Variants in KLF12 observed in about 807,000 individuals in gnomAD.
The protein encoded by KLF12 is Krueppel-like factor 12.
In KLF12, 9 loss-of-function variants were observed where a neutral mutation model predicts 37.8. That is an observed-to-expected ratio of 0.24 (90% CI 0.14 to 0.42). KLF12 has a LOEUF of 0.42. Ranked by LOEUF, KLF12 falls within the 10% of genes least tolerant of loss-of-function variation. The pLI, the probability that KLF12 is intolerant of heterozygous loss-of-function variation, is 1.00. For synonymous variants in KLF12, 208 were observed against 202.1 expected, an observed-to-expected ratio of 1.03 and a Z score of -0.25; for missense variants, 411 against 516.0, an observed-to-expected ratio of 0.80 and a Z score of 1.97.
intron 5 of KLF12, among the ~76,000 whole-genome samples, chr13:73,812,100 C>T (rs1374495760): frequency 6.6e-6 from 1 of 151,916 alleles, no homozygotes; most frequent in East Asian, 1.9e-4. Flanking sequence ...CCCTCCTCAT[C>T]TTCAAGATTA....
intron 1 of KLF12, among the ~76,000 whole-genome samples, chr13:74,056,087 G>GT (rs1257440966): frequency 1.3e-5 from 2 of 152,296 alleles, no homozygotes; most frequent in South Asian, 2.1e-4. Flanking sequence ...GCAGAAGGAG[G>GT]TAAGAGTCCA....
intron 3 of KLF12, among the ~76,000 whole-genome samples, chr13:73,910,475 T>C (rs181035998): frequency 3.0e-4 from 45 of 152,320 alleles, no homozygotes; most frequent in Admixed American, 2.4e-3. Flanking sequence ...ACTTGAATCT[T>C]AGCCACAACA....
At chr13:74,097,490 G>C (rs938454546) in intron 1 of KLF12, among the ~76,000 whole-genome samples, 1 of 152,040 alleles carries the variant, frequency 6.6e-6, no homozygotes, top group Non-Finnish European at 1.5e-5. Context: ...AAACAGTCTT[G>C]AATTTCTAAA....
intron 4 of KLF12, among the ~76,000 whole-genome samples, chr13:73,832,458 C>T (rs557845721): frequency 6.6e-6 from 1 of 152,156 alleles, no homozygotes; most frequent in East Asian, 1.9e-4. Flanking sequence ...ACAGCATTCA[C>T]GTCTGACAAA....
chr13:74,019,792 T>C (rs1385977116), intron 1 of KLF12, among the ~76,000 whole-genome samples: 1 of 152,256 alleles, frequency 6.6e-6, no homozygotes. Context: ...TGGTCTTTTC[T>C]TTCAGGAACC....
At position 73,727,702 on chromosome 13, in the gene KLF12, C is replaced by CT. The variant is rs4053530; in HGVS notation, c.870-12178dup. Among the ~76,000 whole-genome samples, 304 of 145,116 alleles carry CT rather than the reference C, an allele frequency of 2.1e-3. 5 individuals carry two copies. The highest frequency in any genetic ancestry group is 3.7e-3 in the Admixed American group (53 of 14,450). On this transcript the variant is annotated intron_variant, in intron 6 of 7. Transcript: ENST00000377669. ...TAAGAATCATCTCATCAATTTCTTT[C>CT]TTTTTTTTTTTTTGAGATGGAGTCT...
chr13:73,736,638 C>T (rs775965089), intron 6 of KLF12, among the ~76,000 whole-genome samples: 13 of 152,290 alleles, frequency 8.5e-5, no homozygotes, highest in African/African-American at 1.9e-4. Context: ...ACAGGTAATG[C>T]GCAAATGCAC....
chr13:73,980,186 A>T (rs914501314), intron 2 of KLF12, among the ~76,000 whole-genome samples: 1 of 152,230 alleles, frequency 6.6e-6, no homozygotes, highest in African/African-American at 2.4e-5. Context: ...CAATTTATCA[A>T]ATCTGACTCA....
chr13:73,978,366 A>G (rs1457843947), intron 2 of KLF12, among the ~76,000 whole-genome samples: 2 of 152,210 alleles, frequency 1.3e-5, no homozygotes, highest in African/African-American at 4.8e-5. Context: ...AAAATATTCC[A>G]CATTATATGA....
chr13:73,850,512 G>A (rs575979389), intron 3 of KLF12, among the ~76,000 whole-genome samples: 64 of 152,198 alleles, frequency 4.2e-4, no homozygotes, highest in Admixed American at 1.4e-3. Context: ...AATGATGGTC[G>A]TATATTTTAA....
At chr13:74,183,919 T>TAG in the KLF12 span, among the ~76,000 whole-genome samples, 1 of 152,124 alleles carries the variant, frequency 6.6e-6, no homozygotes, top group Non-Finnish European at 1.5e-5. Flanking sequence ...ACCTGGGTGA[T>TAG]AGAGAGAGAC....
the KLF12 span, among the ~76,000 whole-genome samples, chr13:74,201,376 T>C: frequency 1.3e-5 from 2 of 151,888 alleles, no homozygotes; most frequent in Admixed American, 1.3e-4. Flanking sequence ...GTAAAATCCT[T>C]TTCCTTTTCT....
At chr13:74,036,225 A>AT (rs1893241620) in intron 1 of KLF12, among the ~76,000 whole-genome samples, 1 of 152,256 alleles carries the variant, frequency 6.6e-6, no homozygotes, top group South Asian at 2.1e-4. Context: ...TCCATGGCCT[A>AT]TTTTGCATTG....
In KLF12 at chr13:73,720,902, G is replaced by C. The variant is rs548209059; in HGVS notation, c.870-5377C>G. Among the ~76,000 whole-genome samples, 6 of 152,208 alleles carry C rather than the reference G, an allele frequency of 3.9e-5. No homozygotes were observed. In the East Asian group the frequency reaches 1.2e-3, roughly 29 times the overall value. Reference sequence around the variant, plus strand: ...CAGGAGTTAAAAAAAAATTAAAAAGGCCAGGACAATCTTTCAAGCCTGGAA... The same window carrying C: ...CAGGAGTTAAAAAAAAATTAAAAAGCCCAGGACAATCTTTCAAGCCTGGAA... On this transcript the variant is annotated intron_variant, in intron 6 of 7. Coordinates refer to ENST00000377669, the MANE Select transcript of KLF12 (RefSeq NM_007249.5).
chr13:74,152,772 T>C, the KLF12 span, among the ~76,000 whole-genome samples: 1 of 151,334 alleles, frequency 6.6e-6, no homozygotes, highest in Non-Finnish European at 1.5e-5. Context: ...TAGTCCCAGC[T>C]ACTTAGGAGG....
rs541774268 is a variant in KLF12 at position 73,772,276 on chromosome 13, G to A, written c.807-7276C>T. Among the ~76,000 whole-genome samples the A allele has an allele frequency of 5.3e-5, 8 of 152,302 alleles. No homozygotes were observed. The East Asian group carries it at 1.2e-3, about 22-fold the overall frequency. ...TCTTAAGTGTGTTCCAGGCTCCTAT[G>A]TGCTATGAAGTGTGTGAGGGGAGGG... On this transcript the variant is annotated intron_variant, in intron 5 of 7. Coordinates refer to ENST00000377669, the MANE Select transcript of KLF12 (RefSeq NM_007249.5).
At chr13:73,935,945 T>C (rs982100845) in intron 3 of KLF12, among the ~76,000 whole-genome samples, 2 of 152,178 alleles carry the variant, frequency 1.3e-5, no homozygotes, top group Admixed American at 6.5e-5. Flanking sequence ...CAGACATACA[T>C]GGTGTATGTT....
intron 2 of KLF12, among the ~76,000 whole-genome samples, chr13:73,944,980 T>A (rs763057152): frequency 2.6e-5 from 4 of 152,200 alleles, no homozygotes; most frequent in Non-Finnish European, 5.9e-5. Flanking sequence ...GAACTAAATT[T>A]GATTGAGATT....
the KLF12 span, among the ~76,000 whole-genome samples, chr13:74,152,593 A>T: frequency 6.6e-6 from 1 of 152,160 alleles, no homozygotes; most frequent in South Asian, 2.1e-4. Context: ...ACAATAATTT[A>T]AAAAATCAGC....
Sources: allele counts gnomAD v4.1 joint callset (sites outside exome capture counted in the v4.1 genomes callset), GRCh38; gene constraint gnomAD v4.1.1; transcripts MANE v1.5; gene names NCBI Gene and HGNC (gene_info 2026-07-23, HGNC 2026-07-21).